Variants in ARHGAP20 observed in about 807,000 individuals in gnomAD.
ARHGAP20 encodes the protein rho GTPase-activating protein 20.
In ARHGAP20, 34 loss-of-function variants were observed where a neutral mutation model predicts 73.7. That is an observed-to-expected ratio of 0.46 (90% CI 0.35 to 0.61). ARHGAP20 has a LOEUF of 0.61. Ranked by LOEUF, ARHGAP20 falls within the 20% of genes least tolerant of loss-of-function variation. The pLI is 0.00. For synonymous variants in ARHGAP20, 523 were observed against 518.2 expected (o/e 1.01, Z -0.13); for missense variants, 1,314 against 1,420.9 (o/e 0.92, Z 1.21).
At chr11:110,599,153 C>T (rs969941797) in intron 9 of ARHGAP20, among the ~76,000 whole-genome samples, 1 of 152,206 alleles carries the variant, frequency 6.6e-6, no homozygotes, top group African/African-American at 2.4e-5. Context: ...CCCAACACAG[C>T]TGTAGCCAAC....
At chr11:110,595,376 T>C (rs1475643379) in intron 9 of ARHGAP20, among the ~76,000 whole-genome samples, 2 of 152,214 alleles carry the variant, frequency 1.3e-5, no homozygotes, top group South Asian at 2.1e-4. Flanking sequence ...GATGACACGA[T>C]TGTATATCTA....
Position 110,668,296 on chromosome 11 carries a change from T to G in ARHGAP20, c.188+22251A>C, listed in dbSNP as rs556305431. Among the ~76,000 whole-genome samples, 6 of 152,340 alleles carry G rather than the reference T, an allele frequency of 3.9e-5. No homozygotes were observed. In the East Asian group the frequency reaches 1.2e-3, roughly 29 times the overall value. ...ACAAACAAAAAGTTTGTATGATTGGTTGCATTTTTAAAAAGCAATAACATA... is the reference window on the plus strand; with the variant it reads ...ACAAACAAAAAGTTTGTATGATTGGGTGCATTTTTAAAAAGCAATAACATA... On this transcript the variant is annotated intron_variant, in intron 2 of 14. Transcript: ENST00000683387.
chr11:110,600,659 G>C (rs1948087332), intron 9 of ARHGAP20, among the ~76,000 whole-genome samples: 1 of 152,218 alleles, frequency 6.6e-6, no homozygotes, highest in African/African-American at 2.4e-5. Flanking sequence ...GAGATTTCTG[G>C]CCAGAAAAGT....
At position 110,659,910 on chromosome 11, in the gene ARHGAP20, G is replaced by T. The variant is rs532162599; in HGVS notation, c.189-29118C>A. Among the ~76,000 whole-genome samples the T allele has an allele frequency of 1.7e-3, 256 of 151,788 alleles. 2 individuals carry two copies. Among genetic ancestry groups the T allele is most frequent in the South Asian group, 0.012 (58 of 4,766 alleles). ...CACACTCTGAGGACTGTTGTGGGGT[G>T]GGGGGAGTGGGGAGGGATAGCACTG... On this transcript the variant is annotated intron_variant, in intron 2 of 14. Coordinates refer to ENST00000683387, the MANE Select transcript of ARHGAP20 (RefSeq NM_001384657.1).
At chr11:110,609,757 A>G (rs996332744) in intron 7 of ARHGAP20, among the ~76,000 whole-genome samples, 4 of 152,158 alleles carry the variant, frequency 2.6e-5, no homozygotes, top group Non-Finnish European at 5.9e-5. Context: ...CCTGTTGGCA[A>G]TATTTCATAT....
rs185115240 is a variant in ARHGAP20, at chr11:110,599,109, C to T, written c.965-6954G>A. On this transcript the variant is annotated intron_variant, in intron 9 of 14. Transcript: ENST00000683387. ...CCCAAGTCATGGCTGCAGACCCAGG[C>T]CTCTTGCTCCATGGAACATGCAGAG... 4.3e-4 allele frequency among the ~76,000 whole-genome samples: 65 copies of T among 152,308 alleles called. 1 individual carries two copies. In the East Asian group the frequency reaches 0.011, roughly 25 times the overall value.
At chr11:110,700,457 T>C (rs1017246424) in intron 1 of ARHGAP20, among the ~76,000 whole-genome samples, 11 of 152,090 alleles carry the variant, frequency 7.2e-5, no homozygotes, top group Non-Finnish European at 1.3e-4. Context: ...CATTAAAGTA[T>C]TTCTTGTCTT....
chr11:110,600,314 G>A (rs1366941782), intron 9 of ARHGAP20, among the ~76,000 whole-genome samples: 1 of 152,218 alleles, frequency 6.6e-6, no homozygotes, highest in African/African-American at 2.4e-5. Context: ...GCAGTTCCTG[G>A]CATCTCCAAG....
intron 2 of ARHGAP20, among the ~76,000 whole-genome samples, chr11:110,647,848 C>T (rs1385806884): frequency 6.6e-6 from 1 of 151,820 alleles, no homozygotes; most frequent in Non-Finnish European, 1.5e-5. Context: ...TCATATGTTA[C>T]AGAAAATTCT....
At position 110,579,726 on chromosome 11, in the gene ARHGAP20, G is replaced by T. The variant is rs1442989292; in HGVS notation, c.3220C>A (p.Pro1074Thr). The T allele has an allele frequency of 1.9e-6, 3 of 1,614,192 alleles. No homozygotes were observed. Among genetic ancestry groups the T allele is most frequent in the Admixed American group, 1.7e-5 (1 of 60,022 alleles). ...IASPKGPLEP[P>T]PHASGVPEAN... Reference sequence around the variant, plus strand: ...TCTGGAACACCAGAAGCATGTGGGGGTGGCTCTAAGGGTCCTTTTGGAGAA... The same window carrying T: ...TCTGGAACACCAGAAGCATGTGGGGTTGGCTCTAAGGGTCCTTTTGGAGAA... Residue 1074 changes from proline (P) to threonine (T), a missense_variant, in exon 15 of 15, where the codon CCC becomes ACC. Pro to Thr is a conservative substitution (Grantham distance 38). Around this residue, in one of 3 missense-constraint regions of ARHGAP20, gnomAD observed 641 missense variants for 636.9 expected, o/e 1.01. Transcript: ENST00000683387.
At chr11:110,673,057 A>C (rs1369460237) in intron 2 of ARHGAP20, among the ~76,000 whole-genome samples, 1 of 152,226 alleles carries the variant, frequency 6.6e-6, no homozygotes, top group Non-Finnish European at 1.5e-5. Flanking sequence ...CTTCTGATAC[A>C]TACAACATAG....
At chr11:110,612,952 G>C (rs1483634649) in intron 6 of ARHGAP20, among the ~76,000 whole-genome samples, 1 of 152,074 alleles carries the variant, frequency 6.6e-6, no homozygotes, top group Non-Finnish European at 1.5e-5. Flanking sequence ...GACATACTGG[G>C]CTTTAAATTG....
chr11:110,706,430 A>G (rs879281596), intron 1 of ARHGAP20, among the ~76,000 whole-genome samples: 27 of 152,148 alleles, frequency 1.8e-4, no homozygotes, highest in Non-Finnish European at 1.6e-4. Context: ...TTATTCTTCT[A>G]TAAGTTATAG....
Position 110,630,629 on chromosome 11 carries a change from TG to T in ARHGAP20, c.351del (p.Lys118AsnfsTer8). The T allele has an allele frequency of 6.2e-7, 1 of 1,613,892 alleles. No individual in the cohort carries two copies. The highest frequency in any genetic ancestry group is 8.5e-7 in the Non-Finnish European group (1 of 1,179,892). ...LFNDLFVVAK[I>X]KYNNNFKIKN... ...ATCAGGAGTATATAGTATACATACT[TG>T]ATTTTGGCCACAACAAACAGATCAT... On this transcript the variant is annotated frameshift_variant and splice_region_variant, in exon 3 of 15. Transcript: ENST00000683387. LOFTEE classifies it high-confidence loss of function.
rs746533394 is a variant in ARHGAP20 at position 110,580,447 on chromosome 11, T to G, written c.2499A>C (p.Ala833=). The part of the protein sequence containing the change: ...NTSGYSPPHT[A]DALKGPRTHR... ...GTGTCCTTGGACCCTTGAGGGCATC[T>G]GCTGTGTGTGGTGGGGAGTATCCAG... Residue 833 remains alanine (A), a synonymous_variant, in exon 15 of 15, where the codon GCA becomes GCC. Coordinates refer to ENST00000683387, the MANE Select transcript of ARHGAP20 (RefSeq NM_001384657.1). 6.2e-7 allele frequency: 1 copy of G among 1,614,118 alleles called. No homozygotes were observed. The highest frequency in any genetic ancestry group is 2.2e-5 in the East Asian group (1 of 44,866).
At chr11:110,695,729 G>A (rs1950323224) in intron 1 of ARHGAP20, among the ~76,000 whole-genome samples, 1 of 151,592 alleles carries the variant, frequency 6.6e-6, no homozygotes, top group Non-Finnish European at 1.5e-5. Flanking sequence ...TGGTGGGAAT[G>A]AAAACTGGTA....
At chr11:110,710,407 C>T (rs1950624866) in intron 1 of ARHGAP20, among the ~76,000 whole-genome samples, 1 of 151,734 alleles carries the variant, frequency 6.6e-6, no homozygotes, top group Admixed American at 6.6e-5. Flanking sequence ...TTTAATGCTT[C>T]CTCCCTTTGG....
chr11:110,632,906 T>C (rs1948888987), intron 2 of ARHGAP20, among the ~76,000 whole-genome samples: 1 of 151,966 alleles, frequency 6.6e-6, no homozygotes, highest in South Asian at 2.1e-4. Context: ...TTATGTGTTT[T>C]GGAAAATATT....
At chr11:110,664,498 G>A (rs775735323) in intron 2 of ARHGAP20, among the ~76,000 whole-genome samples, 4 of 152,166 alleles carry the variant, frequency 2.6e-5, no homozygotes, top group Non-Finnish European at 4.4e-5. Context: ...GGAGGCTAAG[G>A]CAGGCGGATC....
Sources: allele counts gnomAD v4.1 joint callset (sites outside exome capture counted in the v4.1 genomes callset), GRCh38; gene constraint gnomAD v4.1.1; regional missense constraint gnomAD v4.1.1; transcripts MANE v1.5; gene names NCBI Gene and HGNC (gene_info 2026-07-23, HGNC 2026-07-21).